Variants in DAG1 observed in about 807,000 individuals in gnomAD.
The protein encoded by DAG1 is dystroglycan 1 (dystrophin-associated glycoprotein 1).
In DAG1, 8 loss-of-function variants were observed where a neutral mutation model predicts 46.1. The ratio of observed to expected loss-of-function variants is 0.17; its 90% CI spans 0.10 to 0.31. DAG1 has a LOEUF of 0.31. Among genes scored for constraint, DAG1 ranks in the 10% least tolerant of loss-of-function variants. The probability of loss-of-function intolerance (pLI) is 1.00; values close to 1 mark genes in which losing one functional copy is unlikely to be tolerated. For synonymous variants in DAG1, 495 were observed against 481.8 expected (o/e 1.03, Z -0.36); for missense variants, 1,003 against 1,189.9 (o/e 0.84, Z 2.31).
In DAG1 at chr3:49,533,072, G is replaced by A. The variant is rs199933395; in HGVS notation, c.2561G>A (p.Arg854Gln). The A allele has an allele frequency of 2.0e-5, 32 of 1,613,982 alleles. No individual in the cohort carries two copies. In the Admixed American group the frequency reaches 2.5e-4, roughly 13 times the overall value. ...ACCATGGGAGAGTACACGCCCCTGC[G>A]GGATGAGGATCCCAATGCGCCTCCC... ...QDTMGEYTPL[R>Q]DEDPNAPPYQ... The change falls in exon 3 of 3, where the codon CGG (arginine) becomes CAG (glutamine). Residue 854 changes from arginine (R) to glutamine (Q), a missense_variant. This residue lies in a region of DAG1 where 755 missense variants were observed against 854.1 expected (regional missense o/e 0.88). Transcript: ENST00000308775.
Position 49,531,223 on chromosome 3 carries a change from A to G in DAG1, c.712A>G (p.Met238Val), listed in dbSNP as rs148238809. 2 of 1,614,040 alleles carry G rather than the reference A, an allele frequency of 1.2e-6. No individual in the cohort carries two copies. Among genetic ancestry groups the G allele is most frequent in the African/African-American group, 2.7e-5 (2 of 74,908 alleles). The change falls in exon 3 of 3, where the codon ATG (methionine) becomes GTG (valine). Residue 238 changes from methionine (M) to valine (V), a missense_variant. Coordinates refer to ENST00000308775, the MANE Select transcript of DAG1 (RefSeq NM_004393.6). The surrounding 1 kb of genome is among the most constrained non-coding windows in gnomAD (Gnocchi z 7.0). ...VPVVNNRLFD[M>V]SAFMAGPGNA... ...GGTGGTGAATAACAGACTATTTGAC[A>G]TGTCGGCCTTCATGGCTGGCCCGGG...
chr3:49,530,922 G>A lies in DAG1; in HGVS notation c.411G>A (p.Arg137=), dbSNP rs919814898. Residue 137 remains arginine, a synonymous_variant, in exon 3 of 3, where the codon CGG becomes CGA. Transcript: ENST00000308775. The part of the protein sequence containing the change: ...GVHYISVSAT[R]LGANGSHIPQ... ...ATTACATTTCAGTGAGCGCTACACG[G>A]CTGGGGGCCAACGGGAGCCACATCC... 1 of 1,614,126 alleles carries A rather than the reference G, an allele frequency of 6.2e-7. No homozygotes were observed. Among genetic ancestry groups the A allele is most frequent in the Non-Finnish European group, 8.5e-7 (1 of 1,180,014 alleles).
intron 1 of DAG1, among the ~76,000 whole-genome samples, chr3:49,506,765 T>A (rs1037277701): frequency 1.3e-4 from 20 of 151,952 alleles, no homozygotes; most frequent in African/African-American, 4.8e-4. Context: ...TGGTCTATAG[T>A]TTTGTTGTAA....
chr3:49,529,883 T>TTA (rs1205417081), intron 2 of DAG1, among the ~76,000 whole-genome samples: 1 of 152,136 alleles, frequency 6.6e-6, no homozygotes, highest in Non-Finnish European at 1.5e-5. Context: ...GTATGACCAG[T>TTA]TATATCTCTG....
chr3:49,480,757 G>GTTTT (rs770596207), intron 1 of DAG1, among the ~76,000 whole-genome samples: 11 of 113,108 alleles, frequency 9.7e-5, no homozygotes, highest in South Asian at 2.8e-4. Context: ...TCTGCATAAA[G>GTTTT]TTTTTTTTTT....
chr3:49,497,006 G>GT (rs1305908392), intron 1 of DAG1, among the ~76,000 whole-genome samples: 3 of 151,068 alleles, frequency 2.0e-5, no homozygotes, highest in Non-Finnish European at 2.9e-5. Flanking sequence ...CATTAAAAAT[G>GT]TTTTTTTTAG....
intron 2 of DAG1, among the ~76,000 whole-genome samples, chr3:49,528,905 C>CA (rs1268761278): frequency 6.7e-6 from 1 of 149,762 alleles, no homozygotes; most frequent in East Asian, 2.0e-4. Context: ...GGCTGGGTTG[C>CA]AGTGGCGTGA....
At chr3:49,493,718 T>C (rs2050244406) in intron 1 of DAG1, among the ~76,000 whole-genome samples, 2 of 152,280 alleles carry the variant, frequency 1.3e-5, no homozygotes, top group African/African-American at 2.4e-5. Flanking sequence ...AGGCCAGCAA[T>C]GTGGGAGCTA....
chr3:49,506,269 C>T (rs1359353077), intron 1 of DAG1, among the ~76,000 whole-genome samples: 2 of 152,222 alleles, frequency 1.3e-5, no homozygotes, highest in African/African-American at 2.4e-5. Context: ...TGGGCCACTG[C>T]GCCTGGCCAC....
intron 2 of DAG1, among the ~76,000 whole-genome samples, chr3:49,523,540 C>T (rs527964454): frequency 7.2e-5 from 11 of 152,188 alleles, no homozygotes; most frequent in Non-Finnish European, 1.3e-4. Context: ...CTTTGTTTCT[C>T]TATATGATTT....
intron 2 of DAG1, among the ~76,000 whole-genome samples, chr3:49,524,323 G>A (rs2051112773): frequency 6.6e-6 from 1 of 152,154 alleles, no homozygotes; most frequent in Non-Finnish European, 1.5e-5. Flanking sequence ...GTGTGCCTGT[G>A]ACTTGGCCAG....
Position 49,534,326 on chromosome 3 carries a change from A to G in DAG1, c.*1127A>G, listed in dbSNP as rs1046373435. The G allele has an allele frequency of 2.0e-5, 3 of 152,546 alleles. No homozygotes were observed. The highest frequency in any genetic ancestry group is 2.9e-5 in the Non-Finnish European group (2 of 68,022). The allele number at this position is 152,546 out of a possible 1,614,324, so 9.4% of individuals were successfully genotyped here. On this transcript the variant is annotated 3_prime_UTR_variant, in exon 3 of 3. Coordinates refer to ENST00000308775, the MANE Select transcript of DAG1 (RefSeq NM_004393.6). Reference sequence around the variant, plus strand: ...CTTGGCCGCTTTGTCCTAACAGTCCACAGTCCTGCCCCGACCCACCCCATC... The same window carrying G: ...CTTGGCCGCTTTGTCCTAACAGTCCGCAGTCCTGCCCCGACCCACCCCATC...
chr3:49,478,134 G>A (rs954896786), intron 1 of DAG1, among the ~76,000 whole-genome samples: 3 of 151,774 alleles, frequency 2.0e-5, no homozygotes, highest in Admixed American at 2.0e-4. Context: ...AGGCGTGGTG[G>A]TGTGCGCCTG....
At chr3:49,484,980 GTTA>G (rs546438324) in intron 1 of DAG1, among the ~76,000 whole-genome samples, 2 of 151,872 alleles carry the variant, frequency 1.3e-5, no homozygotes, top group South Asian at 2.1e-4. Flanking sequence ...TATTTTTATT[GTTA>G]TTATTTTATT....
intron 1 of DAG1, among the ~76,000 whole-genome samples, chr3:49,487,692 C>CTTTTTTTTTTTTTTTT (rs10686005): frequency 9.5e-6 from 1 of 105,718 alleles, no homozygotes; most frequent in Non-Finnish European, 1.8e-5. Context: ...CCCATACATT[C>CTTTTTTTTTTTTTTTT]TTTTTTTTTT....
intron 2 of DAG1, among the ~76,000 whole-genome samples, chr3:49,528,330 G>A (rs1381407098): frequency 8.3e-6 from 1 of 120,964 alleles, no homozygotes; most frequent in African/African-American, 3.2e-5. Context: ...TGTCATTCAG[G>A]CTGGAGTGCA....
rs1337543374 is a variant in DAG1, at chr3:49,533,332, G to A, written c.*133G>A. 2 of 1,384,486 alleles carry A rather than the reference G, an allele frequency of 1.4e-6. No individual in the cohort carries two copies. The highest frequency in any genetic ancestry group is 2.0e-6 in the Non-Finnish European group (2 of 1,007,180). 85.8% of individuals were successfully genotyped at this position (1,384,486 alleles called of 1,614,324 possible). On this transcript the variant is annotated 3_prime_UTR_variant, in exon 3 of 3. Transcript: ENST00000308775. The stretch of plus-strand genomic sequence containing the variant: ...CCTGACCTAGCACACACTGACACAG[G>A]GGCCTGGACAAGCCCGCCCTCTCTG...
chr3:49,494,125 A>T (rs978964570), intron 1 of DAG1, among the ~76,000 whole-genome samples: 5 of 152,178 alleles, frequency 3.3e-5, no homozygotes, highest in Non-Finnish European at 7.3e-5. Flanking sequence ...TTATAAACAC[A>T]GTGTGTTGAT....
At chr3:49,499,498 A>G (rs943554651) in intron 1 of DAG1, among the ~76,000 whole-genome samples, 1 of 152,204 alleles carries the variant, frequency 6.6e-6, no homozygotes, top group African/African-American at 2.4e-5. Context: ...GTTTATGGCA[A>G]ATTGAGTTGG....
Sources: gnomAD v4.1 joint callset for allele counts (sites outside exome capture counted in the v4.1 genomes callset) on GRCh38, gnomAD v4.1.1 for gene constraint, gnomAD v4.1.1 regional missense constraint, Gnocchi (gnomAD v3.1) non-coding constraint, MANE v1.5 for transcripts, NCBI Gene and HGNC (gene_info 2026-07-23, HGNC 2026-07-21) for gene names.